Variants in COPE observed in about 807,000 individuals in gnomAD.
The protein encoded by COPE is coat protein complex I subunit epsilon.
A neutral mutation model predicts 42.1 loss-of-function variants in COPE; 19 were observed. The ratio of observed to expected loss-of-function variants is 0.45; its 90% CI spans 0.31 to 0.66. COPE has a LOEUF of 0.66. Among genes scored for constraint, COPE ranks in the 30% least tolerant of loss-of-function variants. The pLI is 0.05. For missense variants in COPE, 402 were observed against 416.1 expected (o/e 0.97, Z 0.30); for synonymous variants, 195 against 181.3 (o/e 1.08, Z -0.60).
chr19:18,902,093 T>C (rs984835803), intron 7 of COPE, among the ~76,000 whole-genome samples: 1 of 145,362 alleles, frequency 6.9e-6, no homozygotes, highest in Non-Finnish European at 1.5e-5. Context: ...GGCAGGAGAA[T>C]GGCATGAACC....
At chr19:18,902,720 GAAAGGAAGGAAAGGAAGGA>G (rs1568314556) in intron 7 of COPE, among the ~76,000 whole-genome samples, 2 of 45,348 alleles carry the variant, frequency 4.4e-5, no homozygotes, top group Non-Finnish European at 8.2e-5. Context: ...GGAAGGAAAG[GAAAGGAAGGAAAGGAAGGA>G]AAGGAAGGAA....
At position 18,903,278 on chromosome 19, in the gene COPE, G is replaced by A. The variant is rs377302038; in HGVS notation, c.725C>T (p.Ala242Val). Residue 242 changes from alanine to valine, a missense_variant, in exon 7 of 10, where the codon GCG becomes GTG. By Grantham distance (64) the Ala-to-Val change is moderately conservative. Transcript: ENST00000262812. ...CAGGCTTGTGCCTACCTTGTCTAGC[G>A]CCTCCTGCAGCAGGCCCTCAGCGGC... ...WEAAEGLLQE[A>V]LDKDSGYPET... 1.5e-4 allele frequency: 238 copies of A among 1,593,408 alleles called. 4 individuals are homozygous for A. The South Asian group carries it at 2.0e-3, about 13-fold the overall frequency.
intron 7 of COPE, among the ~76,000 whole-genome samples, chr19:18,901,436 A>AG (rs2056697696): frequency 6.6e-6 from 1 of 152,224 alleles, no homozygotes; most frequent in African/African-American, 2.4e-5. Context: ...ATTGCACATC[A>AG]GGCTGGGAGT....
chr19:18,912,240 G>A (rs1401246052), intron 2 of COPE, among the ~76,000 whole-genome samples: 2 of 151,064 alleles, frequency 1.3e-5, no homozygotes, highest in African/African-American at 2.4e-5. Flanking sequence ...TTGACCTCCT[G>A]GGCTCAACTG....
intron 3 of COPE, 150 bp from the exon 4 acceptor site, chr19:18,907,262 G>A (rs913305850): frequency 1.1e-5 from 9 of 804,072 alleles, no homozygotes; most frequent in East Asian, 2.8e-5. Flanking sequence ...GAGCTGTCCC[G>A]ACATGTCCTC....
intron 3 of COPE, 182 bp downstream of exon 3, chr19:18,910,789 C>G (rs1838649136): frequency 1.6e-5 from 10 of 612,326 alleles, no homozygotes; most frequent in Non-Finnish European, 2.9e-5. Flanking sequence ...CATCACCAGC[C>G]CCCCACTGCT....
intron 2 of COPE, among the ~76,000 whole-genome samples, chr19:18,912,185 T>C (rs1045596065): frequency 7.2e-5 from 11 of 151,824 alleles, no homozygotes; most frequent in Non-Finnish European, 1.2e-4. Context: ...CTTGCTATGT[T>C]GTCCAGGCTG....
intron 5 of COPE, among the ~76,000 whole-genome samples, 198 bp from the exon 6 acceptor site, chr19:18,905,050 C>A (rs912054930): frequency 6.6e-6 from 1 of 152,072 alleles, no homozygotes; most frequent in African/African-American, 2.4e-5. Context: ...GAAGGTGGGA[C>A]TGGGGCCAGC....
At chr19:18,905,373 G>C (rs1568316924) in intron 5 of COPE, among the ~76,000 whole-genome samples, 2 of 152,162 alleles carry the variant, frequency 1.3e-5, no homozygotes. Context: ...ACTGCATAGA[G>C]AGAAACTGAG....
intron 2 of COPE, among the ~76,000 whole-genome samples, chr19:18,911,851 C>CTT (rs537294392): frequency 1.5e-4 from 21 of 136,350 alleles, no homozygotes; most frequent in East Asian, 8.4e-4. Context: ...CACGCCCGGC[C>CTT]TTTTTTTTTT....
Position 18,902,179 on chromosome 19 carries a change from C to CAAA in COPE, c.735+1086_735+1088dup, listed in dbSNP as rs34747007. Among the ~76,000 whole-genome samples the CAAA allele has an allele frequency of 1.4e-3, 151 of 108,104 alleles. 2 individuals are homozygous for CAAA. Among genetic ancestry groups the CAAA allele is most frequent in the African/African-American group, 3.1e-3 (83 of 26,432 alleles). The allele number at this position is 108,104 out of a possible 152,430, so 70.9% of individuals were successfully genotyped here. ...TGGGCGACAGAGCAAGACTCCATCTCAAAAAAAAAAAAAAAAAAAATCCAC... is the reference window on the plus strand; with the variant it reads ...TGGGCGACAGAGCAAGACTCCATCTCAAAAAAAAAAAAAAAAAAAAAAATCCAC... On this transcript the variant is annotated intron_variant, in intron 7 of 9. Transcript: ENST00000262812.
chr19:18,900,091 G>C, intron 8 of COPE, 144 bp from the exon 9 acceptor site: 1 of 641,914 alleles, frequency 1.6e-6, no homozygotes, highest in Non-Finnish European at 2.6e-6. Context: ...TGATCTCGGA[G>C]AACCTTCAGG....
intron 7 of COPE, among the ~76,000 whole-genome samples, chr19:18,902,369 T>TA (rs1015001819): frequency 1.3e-5 from 2 of 149,368 alleles, no homozygotes; most frequent in African/African-American, 4.9e-5. Context: ...AAACTCTTCA[T>TA]AAAGACTGCA....
chr19:18,917,144 C>T (rs1849360514), intron 1 of COPE, among the ~76,000 whole-genome samples: 1 of 150,282 alleles, frequency 6.7e-6, no homozygotes, highest in Admixed American at 6.7e-5. Flanking sequence ...CTTCCATCAT[C>T]TCTGTGTCTC....
At chr19:18,907,189 C>A in intron 3 of COPE, 77 bp from the exon 4 acceptor site, 1 of 1,504,186 alleles carries the variant, frequency 6.6e-7, no homozygotes, top group Non-Finnish European at 8.9e-7. Flanking sequence ...TCCTTGGAAG[C>A]AGACAGGTCC....
rs758070563 is a variant in COPE at position 18,903,340 on chromosome 19, C to T, written c.663G>A (p.Gly221=). The T allele has an allele frequency of 8.7e-6, 14 of 1,612,632 alleles. No individual in the cohort carries two copies. The highest frequency in any genetic ancestry group is 1.1e-5 in the Non-Finnish European group (13 of 1,179,588). The change falls in exon 7 of 10, where the codon GGG becomes GGA. Residue 221 remains glycine (G), a synonymous_variant. Coordinates refer to ENST00000262812, the MANE Select transcript of COPE (RefSeq NM_007263.4). ...KCSPTLLLLN[G]QAACHMAQGR... is the part of the protein sequence containing the mutation. The stretch of plus-strand genomic sequence containing the variant: ...CCTGGGCCATGTGGCAGGCCGCCTG[C>T]CCATTGAGCAGCAGCAGGGTGGGCG...
At chr19:18,918,095 AAGG>A (rs1421152716) in intron 1 of COPE, among the ~76,000 whole-genome samples, 1 of 149,064 alleles carries the variant, frequency 6.7e-6, no homozygotes, top group African/African-American at 2.5e-5. Context: ...GAGGCTGAGA[AAGG>A]AGAATTGCTT....
intron 3 of COPE, chr19:18,910,477 C>T (rs1384291084): frequency 6.1e-6 from 1 of 164,860 alleles, no homozygotes; most frequent in Non-Finnish European, 1.3e-5. Flanking sequence ...CGTAGCTACT[C>T]AGGAGGCTGA....
intron 3 of COPE, 75 bp downstream of exon 3, chr19:18,910,896 C>T: frequency 1.5e-6 from 2 of 1,328,760 alleles, no homozygotes; most frequent in Non-Finnish European, 2.2e-6. Context: ...CATGCCCCCA[C>T]CCACCCAGGT....
Sources: allele counts gnomAD v4.1 joint callset (sites outside exome capture counted in the v4.1 genomes callset), GRCh38; gene constraint gnomAD v4.1.1; transcripts MANE v1.5; gene names NCBI Gene and HGNC (gene_info 2026-07-23, HGNC 2026-07-21).